XPR1: variants seen among roughly 807,000 people sequenced by gnomAD.
XPR1 encodes solute carrier family 53 member 1.
Under a neutral mutation model 87.5 loss-of-function variants are expected in XPR1, and 28 were observed. The observed-to-expected ratio is 0.32, with a 90% CI of 0.24 to 0.44. XPR1 has a LOEUF of 0.44. XPR1 is among the 20% of genes least tolerant of loss of function. The pLI is 1.00. For missense variants in XPR1, 559 were observed against 862.3 expected, an observed-to-expected ratio of 0.65 and a Z score of 4.41; for synonymous variants, 300 against 306.1, an observed-to-expected ratio of 0.98 and a Z score of 0.21.
At chr1:180,784,972 A>G (rs1649079206) in intron 2 of XPR1, among the ~76,000 whole-genome samples, 1 of 130,204 alleles carries the variant, frequency 7.7e-6, no homozygotes, top group Non-Finnish European at 1.7e-5. Context: ...TGTTTTATTT[A>G]TATTTTTTCG....
chr1:180,673,181 G>A (rs1557949978), intron 1 of XPR1, among the ~76,000 whole-genome samples: 1 of 152,120 alleles, frequency 6.6e-6, no homozygotes, highest in Non-Finnish European at 1.5e-5. Flanking sequence ...GCCTTGGAAA[G>A]GAGATTAGAG....
chr1:180,784,301 T>G (rs1460207415), intron 2 of XPR1, among the ~76,000 whole-genome samples: 3 of 152,044 alleles, frequency 2.0e-5, no homozygotes, highest in African/African-American at 7.2e-5. Flanking sequence ...CTATATTTCC[T>G]TTTTTAAAAA....
intron 12 of XPR1, among the ~76,000 whole-genome samples, chr1:180,872,902 T>A (rs1026205755): frequency 6.6e-6 from 1 of 152,004 alleles, no homozygotes. Context: ...AAGAAGTAGC[T>A]ACAAATTTTG....
chr1:180,797,029 C>T (rs1049933036), intron 3 of XPR1, among the ~76,000 whole-genome samples: 1 of 152,022 alleles, frequency 6.6e-6, no homozygotes, highest in African/African-American at 2.4e-5. Context: ...GGATTGACAG[C>T]TAATGGCCAT....
In XPR1 at chr1:180,780,148, T is replaced by C. The variant is rs573704139; in HGVS notation, c.122-7605T>C. On this transcript the variant is annotated intron_variant, in intron 2 of 14. Coordinates refer to ENST00000367590, the MANE Select transcript of XPR1 (RefSeq NM_004736.4). ...TCATATATGAGTTTTTCTGTGAACA[T>C]ATGTTTTTACTTCTCTTGGGTATGT... is the stretch of plus-strand genomic sequence containing the variant. Among the ~76,000 whole-genome samples, 255 of 152,296 alleles carry C rather than the reference T, an allele frequency of 1.7e-3. 1 individual carries two copies. In the Middle Eastern group the frequency reaches 0.02, roughly 12 times the overall value.
At chr1:180,778,686 C>A (rs1319937486) in intron 2 of XPR1, among the ~76,000 whole-genome samples, 1 of 152,154 alleles carries the variant, frequency 6.6e-6, no homozygotes, top group African/African-American at 2.4e-5. Flanking sequence ...CCCTGAAAGA[C>A]AACCCACCTA....
At chr1:180,838,312 GGAGGAGGAA>G (rs1035134811) in intron 11 of XPR1, among the ~76,000 whole-genome samples, 1 of 147,212 alleles carries the variant, frequency 6.8e-6, no homozygotes, top group African/African-American at 2.7e-5. Context: ...AGGCTGAGGA[GGAGGAGGAA>G]GAGGAGGGGT....
At chr1:180,853,791 G>GTTTTTTTTTTTT (rs374408714) in intron 11 of XPR1, among the ~76,000 whole-genome samples, 11 of 109,396 alleles carry the variant, frequency 1.0e-4, no homozygotes, top group East Asian at 2.7e-4. Context: ...CATTCATGTG[G>GTTTTTTTTTTTT]TTTTTTTTTT....
rs1463963198 is a variant in XPR1, at chr1:180,873,745, A to G, written c.1669-58A>G. Reference sequence around the variant, plus strand: ...GTTTGTAGGACATATGCTCATTGGTATGCCTATTTATGAGAAATGTGATAG... The same window carrying G: ...GTTTGTAGGACATATGCTCATTGGTGTGCCTATTTATGAGAAATGTGATAG... On this transcript the variant is annotated intron_variant, in intron 12 of 14. Transcript: ENST00000367590. 2.5e-6 allele frequency: 4 copies of G among 1,578,320 alleles called. No homozygotes were observed. The Admixed American group carries it at 5.1e-5, about 20-fold the overall frequency.
rs1408319394 is a variant in XPR1, at chr1:180,836,538, C to G, written c.1323C>G (p.His441Gln). 7 of 1,614,042 alleles carry G rather than the reference C, an allele frequency of 4.3e-6. No individual in the cohort carries two copies. The highest frequency in any genetic ancestry group is 5.9e-6 in the Non-Finnish European group (7 of 1,180,024). The change falls in exon 11 of 15, where the codon CAC (histidine) becomes CAG (glutamine). Residue 441 changes from histidine to glutamine, a missense_variant. By Grantham distance (24) the His-to-Gln change is conservative. Around this residue, in one of 7 missense-constraint regions of XPR1, gnomAD observed 264 missense variants for 377.2 expected, o/e 0.70. Transcript: ENST00000367590. The part of the protein sequence containing the change: ...PNNSEESGIC[H>Q]KYTYGVRAIV... ...TCTTCACAGAATCAGGAATTTGCCA[C>G]AAATATACATATGGTGTGCGGGCCA...
intron 2 of XPR1, among the ~76,000 whole-genome samples, chr1:180,771,583 G>A (rs554777154): frequency 6.6e-6 from 1 of 152,164 alleles, no homozygotes; most frequent in South Asian, 2.1e-4. Flanking sequence ...CGTTGCATTT[G>A]GTTGTTGTGA....
In XPR1 at chr1:180,836,611, C is replaced by T; in HGVS notation, c.1396C>T (p.Arg466Ter). 2.5e-6 allele frequency: 4 copies of T among 1,614,084 alleles called. No homozygotes were observed. The highest frequency in any genetic ancestry group is 3.4e-6 in the Non-Finnish European group (4 of 1,180,016). Residue 466 changes from arginine to a stop codon, truncating the protein, a stop_gained, in exon 11 of 15, where the codon CGA (arginine) becomes TGA (stop). Coordinates refer to ENST00000367590, the MANE Select transcript of XPR1 (RefSeq NM_004736.4). LOFTEE classifies it high-confidence loss of function. ...GCTTCGCTTCATCCAGTGCCTGCGC[C>T]GATATCGAGACACAAAAAGGGCCTT... ...AWLRFIQCLR[R>*]YRDTKRAFPH...
chr1:180,652,993 A>G (rs1655344407), intron 1 of XPR1, among the ~76,000 whole-genome samples: 1 of 152,120 alleles, frequency 6.6e-6, no homozygotes, highest in Non-Finnish European at 1.5e-5. Flanking sequence ...ACTCACTCAA[A>G]TGGTTTGCAA....
chr1:180,738,710 T>C (rs1430475089), intron 2 of XPR1, among the ~76,000 whole-genome samples: 1 of 152,214 alleles, frequency 6.6e-6, no homozygotes, highest in African/African-American at 2.4e-5. Context: ...CAGTCTTTTG[T>C]CCATTTTTAA....
At chr1:180,670,576 A>G (rs1317241936) in intron 1 of XPR1, among the ~76,000 whole-genome samples, 2 of 152,230 alleles carry the variant, frequency 1.3e-5, no homozygotes, top group African/African-American at 4.8e-5. Flanking sequence ...AGAAACTTAA[A>G]ATAATAATTC....
intron 5 of XPR1, 116 bp downstream of exon 5, chr1:180,806,327 T>C: frequency 6.7e-7 from 1 of 1,482,894 alleles, no homozygotes; most frequent in Non-Finnish European, 9.1e-7. Context: ...TATATATGCC[T>C]TACCTGTGAT....
In XPR1 at chr1:180,682,426, C is replaced by T. The variant is rs1656608392; in HGVS notation, c.121+15C>T. 6.3e-7 allele frequency: 1 copy of T among 1,591,652 alleles called. No homozygotes were observed. Among genetic ancestry groups the T allele is most frequent in the Admixed American group, 1.7e-5 (1 of 57,148 alleles). Reference sequence around the variant, plus strand: ...TTCTGTGGAAGGTAAGATGAATTAACCCTTAAGTTTAGTCACAGAAAACCT... The same window carrying T: ...TTCTGTGGAAGGTAAGATGAATTAATCCTTAAGTTTAGTCACAGAAAACCT... On this transcript the variant is annotated intron_variant, in intron 2 of 14. Coordinates refer to ENST00000367590, the MANE Select transcript of XPR1 (RefSeq NM_004736.4).
intron 3 of XPR1, among the ~76,000 whole-genome samples, chr1:180,798,743 AC>A (rs1649678633): frequency 1.3e-5 from 2 of 152,094 alleles, no homozygotes; most frequent in Non-Finnish European, 2.9e-5. Flanking sequence ...CCTTCTGAGC[AC>A]CTGGAATCAC....
chr1:180,711,420 T>C (rs10798787), intron 2 of XPR1, among the ~76,000 whole-genome samples: 67,378 of 148,916 alleles, frequency 0.45, 15,326 homozygotes, highest in Non-Finnish European at 0.48. Flanking sequence ...GAGACCAGCC[T>C]GGCCAACACA....
Sources: gnomAD v4.1 joint callset for allele counts (sites outside exome capture counted in the v4.1 genomes callset) on GRCh38, gnomAD v4.1.1 for gene constraint, gnomAD v4.1.1 regional missense constraint, MANE v1.5 for transcripts, NCBI Gene and HGNC (gene_info 2026-07-23, HGNC 2026-07-21) for gene names.